RCAN1: variants seen among roughly 807,000 people sequenced by gnomAD.
RCAN1 encodes the protein calcipressin-1.
RCAN1 carries 11 observed loss-of-function variants against 22.9 expected under a neutral mutation model. That is an observed-to-expected ratio of 0.48 (90% CI 0.30 to 0.79). The LOEUF (loss-of-function observed/expected upper bound fraction) is 0.79. Among genes scored for constraint, RCAN1 ranks in the 30% least tolerant of loss-of-function variants. RCAN1 has a pLI of 0.06. For missense variants in RCAN1, 291 were observed against 337.8 expected (o/e 0.86, Z 1.09); for synonymous variants, 136 against 142.3 (o/e 0.96, Z 0.32).
intron 1 of RCAN1, among the ~76,000 whole-genome samples, chr21:34,538,880 G>A (rs1410418241): frequency 1.3e-5 from 2 of 152,098 alleles, no homozygotes; most frequent in Non-Finnish European, 2.9e-5. Flanking sequence ...CCAGTGCACC[G>A]ACCAGCTAAC....
intron 1 of RCAN1, among the ~76,000 whole-genome samples, chr21:34,557,158 A>T (rs181260922): frequency 1.1e-4 from 16 of 152,332 alleles, no homozygotes; most frequent in Admixed American, 4.6e-4. Context: ...GGTTGCAGTG[A>T]GCCGAGATCA....
At chr21:34,533,109 C>A (rs369133803) in intron 1 of RCAN1, among the ~76,000 whole-genome samples, 77 of 151,566 alleles carry the variant, frequency 5.1e-4, no homozygotes, top group African/African-American at 1.8e-3. Context: ...TACAGGTGCC[C>A]GCCACCACGC....
In RCAN1 at chr21:34,517,410, A is replaced by G. The variant is rs1224583211; in HGVS notation, c.*674T>C. ...GATGCTGAGTGAATGCATTCCAGGA[A>G]GAGTTCCGCAAGCAAGTGCTGTTGC... On this transcript the variant is annotated 3_prime_UTR_variant, in exon 4 of 4. Coordinates refer to ENST00000313806, the MANE Select transcript of RCAN1 (RefSeq NM_004414.7). The G allele has an allele frequency of 6.6e-6, 1 of 152,240 alleles. No homozygotes were observed. Among genetic ancestry groups the G allele is most frequent in the African/African-American group, 2.4e-5 (1 of 41,464 alleles). 9.4% of individuals were successfully genotyped at this position (152,240 alleles called of 1,614,324 possible).
chr21:34,563,581 G>A (rs994447570), intron 1 of RCAN1, among the ~76,000 whole-genome samples: 4 of 151,584 alleles, frequency 2.6e-5, no homozygotes, highest in Admixed American at 1.3e-4. Flanking sequence ...ATGGGGTAGG[G>A]CAGTGTATTA....
chr21:34,520,067 T>C (rs910739060), intron 3 of RCAN1, among the ~76,000 whole-genome samples: 2 of 152,190 alleles, frequency 1.3e-5, no homozygotes, highest in Non-Finnish European at 2.9e-5. Flanking sequence ...GCTCAGGGTT[T>C]AGGACCATAA....
intron 1 of RCAN1, among the ~76,000 whole-genome samples, chr21:34,548,148 G>C (rs375703378): frequency 6.6e-6 from 1 of 152,276 alleles, no homozygotes; most frequent in East Asian, 1.9e-4. Context: ...ATAGCAGCCC[G>C]AGCAGATGAA....
chr21:34,606,745 C>G (rs929347206), intron 1 of RCAN1, among the ~76,000 whole-genome samples: 8 of 152,100 alleles, frequency 5.3e-5, no homozygotes, highest in African/African-American at 1.9e-4. Context: ...GAGCTTGCTC[C>G]TCTCTCCACA....
chr21:34,568,248 A>G (rs1486903270), intron 1 of RCAN1, among the ~76,000 whole-genome samples: 8 of 152,186 alleles, frequency 5.3e-5, no homozygotes, highest in Admixed American at 4.6e-4. Context: ...CTTGAAATCT[A>G]GACACTTTTT....
At chr21:34,600,364 C>T (rs1345946948) in intron 1 of RCAN1, among the ~76,000 whole-genome samples, 2 of 152,076 alleles carry the variant, frequency 1.3e-5, no homozygotes, top group Non-Finnish European at 2.9e-5. Flanking sequence ...AATGACCAGC[C>T]ACCTCCTAGC....
intron 1 of RCAN1, among the ~76,000 whole-genome samples, chr21:34,600,512 G>A (rs77215904): frequency 0.059 from 8,919 of 152,162 alleles, 343 homozygotes; most frequent in East Asian, 0.16. Context: ...GGGAAGATCA[G>A]GAGAGAGGGA....
chr21:34,575,091 T>C (rs1339729658), intron 1 of RCAN1, among the ~76,000 whole-genome samples: 1 of 152,214 alleles, frequency 6.6e-6, no homozygotes, highest in East Asian at 1.9e-4. Context: ...AACTAGTTCA[T>C]CTACATCAAA....
chr21:34,573,495 A>T (rs1298405991), intron 1 of RCAN1, among the ~76,000 whole-genome samples: 1 of 152,194 alleles, frequency 6.6e-6, no homozygotes, highest in Non-Finnish European at 1.5e-5. Context: ...AACTGGTCCC[A>T]CTACAAATGC....
Position 34,517,758 on chromosome 21 carries a change from C to T in RCAN1, c.*326G>A, listed in dbSNP as rs1391220091. On this transcript the variant is annotated 3_prime_UTR_variant, in exon 4 of 4. Coordinates refer to ENST00000313806, the MANE Select transcript of RCAN1 (RefSeq NM_004414.7). Reference sequence around the variant, plus strand: ...CTCCTGAGCTCACTGATCAACCTGCCCTTGGCACAGACAGAACCTACCAGA... The same window carrying T: ...CTCCTGAGCTCACTGATCAACCTGCTCTTGGCACAGACAGAACCTACCAGA... 2 of 275,716 alleles carry T rather than the reference C, an allele frequency of 7.3e-6. No individual in the cohort carries two copies. The highest frequency in any genetic ancestry group is 1.4e-5 in the Non-Finnish European group (2 of 145,666). 17.1% of individuals were successfully genotyped at this position (275,716 alleles called of 1,614,324 possible).
intron 1 of RCAN1, among the ~76,000 whole-genome samples, chr21:34,576,240 C>T (rs1987407727): frequency 6.6e-6 from 1 of 152,196 alleles, no homozygotes; most frequent in African/African-American, 2.4e-5. Flanking sequence ...TTTTGCATTA[C>T]CTTTGTCAGA....
chr21:34,534,082 T>C (rs769628860), intron 1 of RCAN1, among the ~76,000 whole-genome samples: 5 of 152,148 alleles, frequency 3.3e-5, no homozygotes, highest in Admixed American at 3.3e-4. Flanking sequence ...GCATGGTCTG[T>C]TATGACATGA....
In RCAN1 at chr21:34,517,933, C is replaced by T. The variant is rs112506779; in HGVS notation, c.*151G>A. On this transcript the variant is annotated 3_prime_UTR_variant, in exon 4 of 4. Transcript: ENST00000313806. The stretch of plus-strand genomic sequence containing the variant: ...TGTGCAGCATTAGAACAAGGGGACA[C>T]GGCCTTGATTCTCTTCTGAGCAACA... 270 of 879,186 alleles carry T rather than the reference C, an allele frequency of 3.1e-4. 2 individuals carry two copies. The African/African-American group carries it at 4.0e-3, about 13-fold the overall frequency. 54.5% of individuals were successfully genotyped at this position (879,186 alleles called of 1,614,324 possible).
chr21:34,612,965 G>A (rs563923465), intron 1 of RCAN1, among the ~76,000 whole-genome samples: 8 of 152,128 alleles, frequency 5.3e-5, no homozygotes, highest in African/African-American at 1.7e-4. Flanking sequence ...ATCACTATCC[G>A]AAATGATCTT....
intron 1 of RCAN1, among the ~76,000 whole-genome samples, chr21:34,573,839 G>A (rs1353611824): frequency 6.6e-6 from 1 of 152,110 alleles, no homozygotes; most frequent in Non-Finnish European, 1.5e-5. Context: ...ATGCCTACTT[G>A]TAATTTTTGT....
In RCAN1 at chr21:34,518,550, T is replaced by C. The variant is rs1470916707; in HGVS notation, c.587-294A>G. Among the ~76,000 whole-genome samples, 1 of 152,230 alleles carries C rather than the reference T, an allele frequency of 6.6e-6. No homozygotes were observed. Among genetic ancestry groups the C allele is most frequent in the African/African-American group, 2.4e-5 (1 of 41,458 alleles). On this transcript the variant is annotated intron_variant, in intron 3 of 3. Coordinates refer to ENST00000313806, the MANE Select transcript of RCAN1 (RefSeq NM_004414.7). This position sits in a 1 kb window ranked among gnomAD's most constrained non-coding sequence, Gnocchi z 4.2. Reference sequence around the variant, plus strand: ...TTATACTTCACATGTCCACCAGATATCTAAACTACCCAGAGAACTCCCTTT... The same window carrying C: ...TTATACTTCACATGTCCACCAGATACCTAAACTACCCAGAGAACTCCCTTT...
Sources: gnomAD v4.1 joint callset for allele counts (sites outside exome capture counted in the v4.1 genomes callset) on GRCh38, gnomAD v4.1.1 for gene constraint, Gnocchi (gnomAD v3.1) non-coding constraint, MANE v1.5 for transcripts, NCBI Gene and HGNC (gene_info 2026-07-23, HGNC 2026-07-21) for gene names.